The following MEIS3 variants were observed in gnomAD, a reference collection of about 807,000 sequenced individuals.
MEIS3 encodes Meis homeobox 3, also known as homeobox protein Meis3.
A neutral mutation model predicts 51.4 loss-of-function variants in MEIS3; 38 were observed. The observed-to-expected ratio is 0.74, with a 90% CI of 0.57 to 0.97. The LOEUF (loss-of-function observed/expected upper bound fraction) is 0.97, where lower values mean the gene tolerates loss of function less well. MEIS3 is among the 50% of genes least tolerant of loss of function. MEIS3 has a pLI of 0.00. For synonymous variants in MEIS3, 198 were observed against 201.8 expected (o/e 0.98, Z 0.16); for missense variants, 456 against 502.6 (o/e 0.91, Z 0.89).
chr19:47,420,936 ACACACTCTCTCTCTCTCT>A (rs1568434260), upstream of MEIS3, among the ~76,000 whole-genome samples: 72 of 94,052 alleles, frequency 7.7e-4, no homozygotes, highest in African/African-American at 3.8e-3. Context: ...ACACACACAC[ACACACTCTCTCTCTCTCT>A]CTCTCTCTCT....
chr19:47,407,544 A>AGAACC, intron 8 of MEIS3, 116 bp from the exon 9 acceptor site: 2 of 1,582,948 alleles, frequency 1.3e-6, no homozygotes, highest in Non-Finnish European at 1.7e-6. Flanking sequence ...GACGTCTGGG[A>AGAACC]GAACCGGCGC....
At chr19:47,415,136 GGGAATTGGGGGAGGGAGCAGGGA>G in intron 4 of MEIS3, 35 bp from the exon 5 acceptor site, 1 of 1,233,952 alleles carries the variant, frequency 8.1e-7, no homozygotes, top group Non-Finnish European at 1.2e-6. Context: ...GGGAGACAGA[GGGAATTGGGGGAGGGAGCAGGGA>G]GGAAGAAGGA....
chr19:47,406,419 G>T, intron 12 of MEIS3, 41 bp downstream of exon 12: 5 of 1,568,902 alleles, frequency 3.2e-6, no homozygotes, highest in Non-Finnish European at 4.4e-6. Flanking sequence ...TCTAATGGAG[G>T]TTTGAGAATT....
intron 11 of MEIS3, 68 bp downstream of exon 11, chr19:47,406,820 G>C: frequency 2.2e-6 from 3 of 1,359,522 alleles, no homozygotes; most frequent in Non-Finnish European, 3.0e-6. Flanking sequence ...ATCTCAGGTG[G>C]GCATCTTTGT....
At chr19:47,410,509 G>A (rs1429493947) in intron 6 of MEIS3, among the ~76,000 whole-genome samples, 1 of 151,294 alleles carries the variant, frequency 6.6e-6, no homozygotes, top group Non-Finnish European at 1.5e-5. Context: ...GCTCATGCCT[G>A]TAATCCCATC....
At chr19:47,413,379 C>T (rs1030631814) in intron 6 of MEIS3, among the ~76,000 whole-genome samples, 35 of 145,586 alleles carry the variant, frequency 2.4e-4, no homozygotes, top group Non-Finnish European at 4.4e-4. Context: ...GTCTGGGTGA[C>T]AAAACAAGAC....
At chr19:47,409,032 G>C in intron 8 of MEIS3, 67 bp downstream of exon 8, 3 of 1,548,164 alleles carry the variant, frequency 1.9e-6, no homozygotes, top group Non-Finnish European at 2.6e-6. Flanking sequence ...CTGGGGTTTC[G>C]GTCTCTGTGG....
chr19:47,406,693 G>C (rs991448181), intron 11 of MEIS3, among the ~76,000 whole-genome samples, 167 bp from the exon 12 acceptor site: 2 of 152,234 alleles, frequency 1.3e-5, no homozygotes, highest in Non-Finnish European at 1.5e-5. Context: ...CCGAGGTATT[G>C]GGCTTGAAGT....
rs914924155 is a variant in MEIS3 at position 47,419,181 on chromosome 19, C to G, written c.-100G>C. On this transcript the variant is annotated 5_prime_UTR_variant, in exon 1 of 13. Transcript: ENST00000558555. ...CCCCTGACGGCCCGCGGTGTTGACGCCAGGGGGTGGGCAGGAGGCCAGGCG... is the reference window on the plus strand; with the variant it reads ...CCCCTGACGGCCCGCGGTGTTGACGGCAGGGGGTGGGCAGGAGGCCAGGCG... The G allele has an allele frequency of 1.1e-6, 1 of 888,350 alleles. No individual in the cohort carries two copies. The highest frequency in any genetic ancestry group is 1.7e-5 in the African/African-American group (1 of 57,466). 55.0% of individuals were successfully genotyped at this position (888,350 alleles called of 1,614,324 possible). A position where few individuals can be genotyped will look rare whatever the true frequency, so the allele number is the denominator to read the frequency against.
upstream of MEIS3, among the ~76,000 whole-genome samples, chr19:47,421,103 CG>C (rs1394344860): frequency 2.6e-5 from 4 of 152,038 alleles, no homozygotes; most frequent in East Asian, 7.8e-4. Context: ...GTCGGCTCTT[CG>C]AGGGTGTGCT....
intron 8 of MEIS3, among the ~76,000 whole-genome samples, chr19:47,408,094 C>T (rs376425468): frequency 2.0e-5 from 3 of 151,784 alleles, no homozygotes; most frequent in South Asian, 2.1e-4. Context: ...CATAAGCCAC[C>T]GCACCCAGCC....
Position 47,404,351 on chromosome 19 carries a change from C to T in MEIS3, c.*18-798G>A, listed in dbSNP as rs59944317. ...CCCACTGCCCTACCTGGCCTGGATA[C>T]GCCTGCCCATCTCTCTCCCAGGCTC... is the stretch of plus-strand genomic sequence containing the variant. On this transcript the variant is annotated intron_variant, in intron 12 of 12. Coordinates refer to ENST00000558555, the MANE Select transcript of MEIS3 (RefSeq NM_001301059.2). Among the ~76,000 whole-genome samples the T allele has an allele frequency of 6.6e-5, 10 of 152,226 alleles. No individual in the cohort carries two copies. In the South Asian group the frequency reaches 1.2e-3, roughly 19 times the overall value.
upstream of MEIS3, among the ~76,000 whole-genome samples, chr19:47,420,934 A>ACTCTCT (rs1568434238): frequency 5.1e-4 from 53 of 103,480 alleles, 1 homozygote; most frequent in African/African-American, 2.6e-3. Flanking sequence ...ACACACACAC[A>ACTCTCT]CACACACTCT....
intron 1 of MEIS3, chr19:47,417,609 G>T (rs1427773901): frequency 1.4e-6 from 1 of 703,244 alleles, no homozygotes; most frequent in East Asian, 2.7e-5. Flanking sequence ...AGAGACGGCA[G>T]GGTCTGGCTG....
chr19:47,414,812 T>C lies in MEIS3; in HGVS notation c.502A>G (p.Lys168Glu). 1.2e-6 allele frequency: 2 copies of C among 1,613,132 alleles called. No homozygotes were observed. The highest frequency in any genetic ancestry group is 2.2e-5 in the South Asian group (2 of 91,022). ...CHRYITCLKG[K>E]MPIDLVIEDR... ...TCGATGACCAGGTCGATGGGCATCT[T>C]TCCCTTGAGGCAGGTGATGTAGCGG... The change falls in exon 6 of 13, where the codon AAG becomes GAG. Residue 168 changes from lysine (K) to glutamate (E), a missense_variant. By Grantham distance (56) the Lys-to-Glu change is moderately conservative. Coordinates refer to ENST00000558555, the MANE Select transcript of MEIS3 (RefSeq NM_001301059.2).
At chr19:47,417,802 A>C in intron 1 of MEIS3, 1 of 627,992 alleles carries the variant, frequency 1.6e-6, no homozygotes, top group East Asian at 2.7e-5. Context: ...AGCGCATCAG[A>C]GTAAGTCTCA....
chr19:47,418,837 G>A (rs983893996), intron 1 of MEIS3: 1 of 391,864 alleles, frequency 2.6e-6, no homozygotes, highest in African/African-American at 2.1e-5. Flanking sequence ...GCAGGGAGAA[G>A]GAGAAGCTAA....
intron 9 of MEIS3, 38 bp downstream of exon 9, chr19:47,407,314 G>A: frequency 6.3e-7 from 1 of 1,594,444 alleles, no homozygotes; most frequent in Non-Finnish European, 8.6e-7. Context: ...CCGGGCTCTC[G>A]CCCCGGGCCG....
rs765671147 is a variant in MEIS3 at position 47,416,685 on chromosome 19, G to C, written c.363C>G (p.Pro121=). The C allele has an allele frequency of 3.0e-5, 47 of 1,563,108 alleles. No homozygotes were observed. Among genetic ancestry groups the C allele is most frequent in the Non-Finnish European group, 3.9e-5 (45 of 1,153,874 alleles). Residue 121 remains proline (P), a synonymous_variant, in exon 4 of 13, where the codon CCC becomes CCG. Transcript: ENST00000558555. The stretch of plus-strand genomic sequence containing the variant: ...CCAGTTCTGGGTTGGAGGAGAAGAG[G>C]GGCCTCTCAGAGCGAACCTGGGAGG... ...AFAKQVRSER[P]LFSSNPELDN...
Sources: gnomAD v4.1 joint callset for allele counts (sites outside exome capture counted in the v4.1 genomes callset) on GRCh38, gnomAD v4.1.1 for gene constraint, MANE v1.5 for transcripts, NCBI Gene and HGNC (gene_info 2026-07-23, HGNC 2026-07-21) for gene names.